The following TEX11 variants were observed in gnomAD, a reference collection of about 807,000 sequenced individuals.
The protein encoded by TEX11 is testis expressed 11.
A neutral mutation model predicts 84.4 loss-of-function variants in TEX11; 7 were observed. The observed-to-expected ratio is 0.08, with a 90% CI of 0.05 to 0.16. The LOEUF (loss-of-function observed/expected upper bound fraction) is 0.16, where lower values mean the gene tolerates loss of function less well. Ranked by LOEUF, TEX11 falls within the 10% of genes least tolerant of loss-of-function variation. The probability of loss-of-function intolerance (pLI) is 1.00; values close to 1 mark genes in which losing one functional copy is unlikely to be tolerated. For synonymous variants in TEX11, 264 were observed against 222.8 expected, an observed-to-expected ratio of 1.18 and a Z score of -1.64; for missense variants, 551 against 660.5, an observed-to-expected ratio of 0.83 and a Z score of 1.82.
intron 13 of TEX11, among the ~76,000 whole-genome samples, chrX:70,694,107 C>T (rs1190200692): frequency 1.1e-4 from 12 of 110,746 alleles, no homozygotes; most frequent in East Asian, 5.7e-4. Flanking sequence ...TGCAGTGGTG[C>T]GATCTTGGCT....
intron 12 of TEX11, among the ~76,000 whole-genome samples, chrX:70,724,471 T>C (rs1477304129): frequency 8.9e-6 from 1 of 111,754 alleles, no homozygotes; most frequent in Non-Finnish European, 1.9e-5. Context: ...TCAGTAACTA[T>C]ACTAACATAT....
At chrX:70,814,693 CA>C (rs2091276896) in intron 8 of TEX11, among the ~76,000 whole-genome samples, 1 of 112,967 alleles carries the variant, frequency 8.9e-6, no homozygotes, top group Non-Finnish European at 1.9e-5. Flanking sequence ...CACAGAGCAG[CA>C]ATGAAATCTA....
At chrX:70,696,313 A>G (rs1297109720) in intron 13 of TEX11, among the ~76,000 whole-genome samples, 1 of 111,812 alleles carries the variant, frequency 8.9e-6, no homozygotes, top group Non-Finnish European at 1.9e-5. Flanking sequence ...GCAGCTGAAT[A>G]AGAATCTTGC....
intron 17 of TEX11, among the ~76,000 whole-genome samples, chrX:70,640,905 A>G (rs1287655381): frequency 9.0e-6 from 1 of 110,875 alleles, no homozygotes; most frequent in African/African-American, 3.3e-5. Flanking sequence ...ACAGGATCAA[A>G]TTCACACATA....
intron 9 of TEX11, among the ~76,000 whole-genome samples, chrX:70,790,572 G>C (rs1485060942): frequency 8.9e-6 from 1 of 112,389 alleles, no homozygotes; most frequent in Non-Finnish European, 1.9e-5. Context: ...GGTTCTGCAT[G>C]CAAGGCAGCT....
At chrX:70,656,359 T>C (rs1165298253) in intron 16 of TEX11, among the ~76,000 whole-genome samples, 1 of 110,212 alleles carries the variant, frequency 9.1e-6, no homozygotes, top group Admixed American at 9.7e-5. Context: ...GCCCAGGAAG[T>C]TGAGGATGCT....
intron 13 of TEX11, among the ~76,000 whole-genome samples, chrX:70,708,009 T>C (rs913315318): frequency 1.8e-5 from 2 of 110,056 alleles, no homozygotes; most frequent in Admixed American, 9.7e-5. Context: ...AAACTATGGA[T>C]CTAACAAAGG....
intron 28 of TEX11, among the ~76,000 whole-genome samples, chrX:70,547,531 C>T (rs2088147010): frequency 9.0e-6 from 1 of 110,922 alleles, no homozygotes; most frequent in African/African-American, 3.3e-5. Context: ...TGACAAAGGG[C>T]TAATATCCAG....
intron 9 of TEX11, among the ~76,000 whole-genome samples, chrX:70,771,544 CTT>C (rs2147777758): frequency 9.0e-6 from 1 of 111,061 alleles, no homozygotes; most frequent in Non-Finnish European, 1.9e-5. Flanking sequence ...TTGAAAAAAA[CTT>C]AAAAAAAACT....
chrX:70,894,857 TAA>T (rs1022117318), intron 2 of TEX11, among the ~76,000 whole-genome samples: 3 of 111,485 alleles, frequency 2.7e-5, no homozygotes, highest in African/African-American at 9.8e-5. Context: ...AAACTCTCAA[TAA>T]ACTAGGTATT....
At chrX:70,801,587 CT>C (rs1368271433) in intron 9 of TEX11, among the ~76,000 whole-genome samples, 1 of 110,868 alleles carries the variant, frequency 9.0e-6, no homozygotes, top group African/African-American at 3.3e-5. Flanking sequence ...TTTTTCCTTT[CT>C]TTCCTTTCTT....
intron 13 of TEX11, among the ~76,000 whole-genome samples, chrX:70,695,399 T>A (rs1207799429): frequency 5.3e-5 from 6 of 112,214 alleles, no homozygotes; most frequent in Non-Finnish European, 1.1e-4. Context: ...ATTTCATTTA[T>A]ATAAAAATCT....
chrX:70,597,519 G>A (rs2089023840), intron 24 of TEX11, among the ~76,000 whole-genome samples: 1 of 111,606 alleles, frequency 9.0e-6, no homozygotes, highest in Non-Finnish European at 1.9e-5. Context: ...AATTCAAGGG[G>A]AAAAAACAGT....
chrX:70,708,649 A>G (rs2090398637), intron 13 of TEX11, among the ~76,000 whole-genome samples: 1 of 111,822 alleles, frequency 8.9e-6, no homozygotes, highest in Admixed American at 9.5e-5. Flanking sequence ...CTTTGCAGCA[A>G]CATGGATGTA....
rs142936545 is a variant in TEX11 at position 70,537,205 on chromosome X, T to A, written c.2521-7206A>T. 7.8e-3 allele frequency among the ~76,000 whole-genome samples: 873 copies of A among 111,498 alleles called. 10 individuals carry two copies. Among genetic ancestry groups the A allele is most frequent in the African/African-American group, 0.027 (821 of 30,700 alleles). ...TCTCAACTGAAATGATATGATGAGATCATCTAATGGGGAATGAGGTAGGTC... is the reference window on the plus strand; with the variant it reads ...TCTCAACTGAAATGATATGATGAGAACATCTAATGGGGAATGAGGTAGGTC... On this transcript the variant is annotated intron_variant, in intron 28 of 29. Coordinates refer to ENST00000374333, the MANE Select transcript of TEX11 (RefSeq NM_031276.3).
intron 15 of TEX11, among the ~76,000 whole-genome samples, chrX:70,670,871 G>T (rs2090016287): frequency 8.9e-6 from 1 of 111,843 alleles, no homozygotes; most frequent in African/African-American, 3.2e-5. Flanking sequence ...CCATGCTAAT[G>T]CAGCTATTTT....
chrX:70,768,582 AAGAG>A (rs1321115637), intron 9 of TEX11, among the ~76,000 whole-genome samples: 2 of 111,348 alleles, frequency 1.8e-5, no homozygotes, highest in Non-Finnish European at 3.8e-5. Flanking sequence ...GGCAGCAGGC[AAGAG>A]AGAGAGGGCA....
At chrX:70,789,465 G>A (rs899924578) in intron 9 of TEX11, among the ~76,000 whole-genome samples, 2 of 111,378 alleles carry the variant, frequency 1.8e-5, no homozygotes, top group African/African-American at 3.3e-5. Context: ...GGTGGCAGGC[G>A]CCTGTGATCC....
chrX:70,530,918 G>A (rs766222987), intron 28 of TEX11, among the ~76,000 whole-genome samples: 3 of 111,425 alleles, frequency 2.7e-5, no homozygotes, highest in African/African-American at 9.8e-5. Context: ...ACAAACATTA[G>A]GTGCTCTCAT....
Sources: gnomAD v4.1 joint callset for allele counts (sites outside exome capture counted in the v4.1 genomes callset) on GRCh38, gnomAD v4.1.1 for gene constraint, MANE v1.5 for transcripts, NCBI Gene and HGNC (gene_info 2026-07-23, HGNC 2026-07-21) for gene names.